CLCA1: variants seen among roughly 807,000 people sequenced by gnomAD.
CLCA1 encodes the protein chloride channel accessory 1.
Under a neutral mutation model 85.6 loss-of-function variants are expected in CLCA1, and 59 were observed. The observed-to-expected ratio is 0.69, with a 90% CI of 0.56 to 0.86. The LOEUF (loss-of-function observed/expected upper bound fraction) is 0.86, where lower values mean the gene tolerates loss of function less well. CLCA1 is among the 40% of genes least tolerant of loss of function. CLCA1 has a pLI of 0.00. For missense variants in CLCA1, 1,022 were observed against 1,101.4 expected, an observed-to-expected ratio of 0.93 and a Z score of 1.02; for synonymous variants, 396 against 398.3, an observed-to-expected ratio of 0.99 and a Z score of 0.07.
chr1:86,475,957 G>A lies in CLCA1; in HGVS notation c.452-491G>A, dbSNP rs571520975. ...TATTGCAGCAATTCAGGAGTAAGTG[G>A]CAATGGGCCTGGAAAGGTGAGAATG... is the stretch of plus-strand genomic sequence containing the variant. On this transcript the variant is annotated intron_variant, in intron 3 of 13. Coordinates refer to ENST00000394711, the MANE Select transcript of CLCA1 (RefSeq NM_001285.4). Among the ~76,000 whole-genome samples, 4 of 152,282 alleles carry A rather than the reference G, an allele frequency of 2.6e-5. No individual in the cohort carries two copies. In the South Asian group the frequency reaches 8.3e-4, roughly 32 times the overall value.
intron 1 of CLCA1, among the ~76,000 whole-genome samples, chr1:86,470,016 TA>T (rs1647458161): frequency 6.6e-6 from 1 of 152,182 alleles, no homozygotes. Flanking sequence ...CTCAGAACTT[TA>T]AAAAATAACT....
chr1:86,486,337 G>A (rs1647969875), intron 6 of CLCA1, among the ~76,000 whole-genome samples, 189 bp from the exon 7 acceptor site: 1 of 151,950 alleles, frequency 6.6e-6, no homozygotes, highest in African/African-American at 2.4e-5. Context: ...TTATACTCTG[G>A]CCCTAAAATT....
At chr1:86,471,071 T>TAC (rs1647486157) in intron 1 of CLCA1, among the ~76,000 whole-genome samples, 1 of 151,966 alleles carries the variant, frequency 6.6e-6, no homozygotes, top group Non-Finnish European at 1.5e-5. Flanking sequence ...CAAATATACA[T>TAC]ACACACACAC....
In CLCA1 at chr1:86,486,243, A is replaced by C. The variant is rs5744368; in HGVS notation, c.955-283A>C. On this transcript the variant is annotated intron_variant, in intron 6 of 13. Transcript: ENST00000394711. ...GGTTGAGGACACAGAGCCAAACCGTATCACCTGATACAGAACTTACCTAGA... is the reference window on the plus strand; with the variant it reads ...GGTTGAGGACACAGAGCCAAACCGTCTCACCTGATACAGAACTTACCTAGA... Among the ~76,000 whole-genome samples, 232 of 152,360 alleles carry C rather than the reference A, an allele frequency of 1.5e-3. 1 individual carries two copies. Among genetic ancestry groups the C allele is most frequent in the Non-Finnish European group, 2.7e-3 (187 of 68,030 alleles).
intron 11 of CLCA1, 42 bp from the exon 12 acceptor site, chr1:86,495,463 C>T: frequency 6.7e-7 from 1 of 1,502,690 alleles, no homozygotes; most frequent in Non-Finnish European, 9.2e-7. Flanking sequence ...TACAAATACC[C>T]TCCCCGTTAC....
intron 7 of CLCA1, among the ~76,000 whole-genome samples, chr1:86,488,661 G>C (rs1648050982): frequency 6.6e-6 from 1 of 152,144 alleles, no homozygotes; most frequent in African/African-American, 2.4e-5. Context: ...AGGCATCTTG[G>C]AAGCTCTGAA....
chr1:86,500,086 C>A lies in CLCA1; in HGVS notation c.*41C>A. 7.2e-7 allele frequency: 1 copy of A among 1,397,580 alleles called. No homozygotes were observed. The highest frequency in any genetic ancestry group is 9.8e-7 in the Non-Finnish European group (1 of 1,019,016). The allele number at this position is 1,397,580 out of a possible 1,614,324, so 86.6% of individuals were successfully genotyped here. ...AGATAAATAAAATAAATCATTCATC[C>A]TTTTTTTTGATTATAAAATTTTCTA... is the stretch of plus-strand genomic sequence containing the variant. On this transcript the variant is annotated 3_prime_UTR_variant, in exon 14 of 14. Coordinates refer to ENST00000394711, the MANE Select transcript of CLCA1 (RefSeq NM_001285.4).
At chr1:86,472,260 A>C (rs146832014) in intron 1 of CLCA1, among the ~76,000 whole-genome samples, 1,883 of 152,204 alleles carry the variant, frequency 0.012, 19 homozygotes, top group South Asian at 0.054. Context: ...AGGGCTCACC[A>C]TGCTGCCAAG....
Position 86,499,882 on chromosome 1 carries a change from G to A in CLCA1, c.2582G>A (p.Arg861Gln), listed in dbSNP as rs371648009. The A allele has an allele frequency of 2.2e-5, 35 of 1,613,828 alleles. No individual in the cohort carries two copies. Among genetic ancestry groups the A allele is most frequent in the Non-Finnish European group, 2.5e-5 (30 of 1,179,852 alleles). Reference protein sequence around the residue: ...DLKSEISNIARVSLFIPPQTP... With the variant: ...DLKSEISNIAQVSLFIPPQTP... ...AAATCAGAAATATCCAACATTGCAC[G>A]AGTATCTTTGTTTATTCCTCCACAG... The change falls in exon 14 of 14, where the codon CGA becomes CAA. Residue 861 changes from arginine (R) to glutamine (Q), a missense_variant. Physicochemically the swap from Arg to Gln is conservative, Grantham distance 43. Coordinates refer to ENST00000394711, the MANE Select transcript of CLCA1 (RefSeq NM_001285.4).
intron 5 of CLCA1, among the ~76,000 whole-genome samples, chr1:86,484,905 C>T (rs1378078571): frequency 6.6e-6 from 1 of 151,996 alleles, no homozygotes; most frequent in Admixed American, 6.6e-5. Context: ...GTGAGACATC[C>T]AAGTGGATTT....
chr1:86,479,232 C>G (rs1476688460), intron 4 of CLCA1, among the ~76,000 whole-genome samples: 3 of 152,066 alleles, frequency 2.0e-5, no homozygotes, highest in Non-Finnish European at 4.4e-5. Flanking sequence ...TAGCAATAAC[C>G]AGTTCAAAAA....
intron 4 of CLCA1, 27 bp downstream of exon 4, chr1:86,476,580 C>A: frequency 8.5e-7 from 1 of 1,174,362 alleles, no homozygotes; most frequent in Non-Finnish European, 1.3e-6. Flanking sequence ...TTAACTTGTT[C>A]CAAACTATTT....
chr1:86,477,042 C>T (rs935042031), intron 4 of CLCA1, among the ~76,000 whole-genome samples: 20 of 152,274 alleles, frequency 1.3e-4, no homozygotes, highest in African/African-American at 4.8e-4. Context: ...CCTGAGTAGC[C>T]GGGACTACAG....
Position 86,499,869 on chromosome 1 carries a change from T to TA in CLCA1, c.2569_2570insA (p.Ser857TyrfsTer20). The TA allele has an allele frequency of 6.2e-7, 1 of 1,613,898 alleles. No homozygotes were observed. Among genetic ancestry groups the TA allele is most frequent in the Non-Finnish European group, 8.5e-7 (1 of 1,179,754 alleles). Reference sequence around the variant, plus strand: ...TAAGGTCGATCTGAAATCAGAAATATCCAACATTGCACGAGTATCTTTGTT... The same window carrying TA: ...TAAGGTCGATCTGAAATCAGAAATATACCAACATTGCACGAGTATCTTTGTT... On this transcript the variant is annotated frameshift_variant, in exon 14 of 14. Coordinates refer to ENST00000394711, the MANE Select transcript of CLCA1 (RefSeq NM_001285.4). LOFTEE classifies it low-confidence loss of function (END_TRUNC).
At position 86,486,050 on chromosome 1, in the gene CLCA1, T is replaced by C. The variant is rs192345644; in HGVS notation, c.955-476T>C. Among the ~76,000 whole-genome samples, 3 of 107,396 alleles carry C rather than the reference T, an allele frequency of 2.8e-5. No homozygotes were observed. In the Admixed American group the frequency reaches 2.9e-4, roughly 10 times the overall value. 70.5% of individuals were successfully genotyped at this position (107,396 alleles called of 152,430 possible). ...AGAGAGAGAGAGAGAGAGTGCGCAA[T>C]GTGGGAAGAGCCCCTTAGCCCCTTA... On this transcript the variant is annotated intron_variant, in intron 6 of 13. Coordinates refer to ENST00000394711, the MANE Select transcript of CLCA1 (RefSeq NM_001285.4).
intron 1 of CLCA1, among the ~76,000 whole-genome samples, chr1:86,472,044 A>T (rs915859174): frequency 6.7e-6 from 1 of 150,012 alleles, no homozygotes; most frequent in Admixed American, 6.6e-5. Flanking sequence ...TTTCATTAGC[A>T]TAGAAATATT....
chr1:86,485,400 C>A lies in CLCA1; in HGVS notation c.793C>A (p.Gln265Lys), dbSNP rs868558743. ...CAAAGAAGCTCCAAACAAGCAAAAT[C>A]AAAAATGCAATCTCCGAAGCACATG... is the stretch of plus-strand genomic sequence containing the variant. ...HNKEAPNKQN[Q>K]KCNLRSTWEV... is the part of the protein sequence containing the mutation. Residue 265 changes from glutamine (Q) to lysine (K), a missense_variant, in exon 6 of 14, where the codon CAA becomes AAA. Physicochemically the swap from Gln to Lys is moderately conservative, Grantham distance 53. Transcript: ENST00000394711. 6.8e-6 allele frequency: 11 copies of A among 1,613,976 alleles called. No individual in the cohort carries two copies. Among genetic ancestry groups the A allele is most frequent in the African/African-American group, 2.7e-5 (2 of 74,918 alleles).
In CLCA1 at chr1:86,500,244, G is replaced by A; in HGVS notation, c.*199G>A. 2 of 492,642 alleles carry A rather than the reference G, an allele frequency of 4.1e-6. No individual in the cohort carries two copies. Among genetic ancestry groups the A allele is most frequent in the South Asian group, 7.9e-5 (2 of 25,432 alleles). 30.5% of individuals were successfully genotyped at this position (492,642 alleles called of 1,614,324 possible). ...CCTGTAGGGGGCGATAAAATAAAATGCTAAACAACTGGGTATACATGCATA... is the reference window on the plus strand; with the variant it reads ...CCTGTAGGGGGCGATAAAATAAAATACTAAACAACTGGGTATACATGCATA... On this transcript the variant is annotated 3_prime_UTR_variant, in exon 14 of 14. Coordinates refer to ENST00000394711, the MANE Select transcript of CLCA1 (RefSeq NM_001285.4).
chr1:86,500,043 T>C lies in CLCA1; in HGVS notation c.2743T>C (p.Ter915GlnextTer2). 1 of 1,566,988 alleles carries C rather than the reference T, an allele frequency of 6.4e-7. No individual in the cohort carries two copies. Among genetic ancestry groups the C allele is most frequent in the Non-Finnish European group, 8.7e-7 (1 of 1,153,780 alleles). The change falls in exon 14 of 14, where the codon TAG becomes CAG. Residue 915 changes from the stop codon to glutamine (Q), a stop_lost. Coordinates refer to ENST00000394711, the MANE Select transcript of CLCA1 (RefSeq NM_001285.4). ...WIGELQLSIA[*>Q] Reference sequence around the variant, plus strand: ...AGGAGAACTGCAGCTGTCAATAGCCTAGGGCTGAATTTTTGTCAGATAAAT... The same window carrying C: ...AGGAGAACTGCAGCTGTCAATAGCCCAGGGCTGAATTTTTGTCAGATAAAT...
Sources: gnomAD v4.1 joint callset for allele counts (sites outside exome capture counted in the v4.1 genomes callset) on GRCh38, gnomAD v4.1.1 for gene constraint, MANE v1.5 for transcripts, NCBI Gene and HGNC (gene_info 2026-07-23, HGNC 2026-07-21) for gene names.